Variants in SPRED1 observed in about 807,000 individuals in gnomAD.
The protein encoded by SPRED1 is sprouty-related, EVH1 domain-containing protein 1.
A neutral mutation model predicts 52.3 loss-of-function variants in SPRED1; 18 were observed. The ratio of observed to expected loss-of-function variants is 0.34; its 90% CI spans 0.24 to 0.51. The LOEUF is 0.51. Among genes scored for constraint, SPRED1 ranks in the 20% least tolerant of loss-of-function variants. The pLI is 0.97. For missense variants in SPRED1, 485 were observed against 551.0 expected (o/e 0.88, Z 1.20); for synonymous variants, 155 against 179.7 (o/e 0.86, Z 1.10).
chr15:38,347,453 G>A (rs973255310), intron 5 of SPRED1, among the ~76,000 whole-genome samples: 26 of 104,076 alleles, frequency 2.5e-4, no homozygotes, highest in South Asian at 1.1e-3. Flanking sequence ...TTGTTTTCCC[G>A]CTTGGATCTT....
intron 2 of SPRED1, among the ~76,000 whole-genome samples, chr15:38,314,911 T>G (rs1300199571): frequency 6.6e-6 from 1 of 151,902 alleles, no homozygotes; most frequent in Non-Finnish European, 1.5e-5. Context: ...ACTGCTATTG[T>G]GTGAGAATCA....
At chr15:38,278,211 G>C (rs1300294272) in intron 1 of SPRED1, among the ~76,000 whole-genome samples, 2 of 152,176 alleles carry the variant, frequency 1.3e-5, no homozygotes, top group African/African-American at 2.4e-5. Flanking sequence ...GCTGGGAGTG[G>C]TGGCCTATAC....
At chr15:38,256,189 T>C (rs1170445853) in intron 1 of SPRED1, among the ~76,000 whole-genome samples, 2 of 152,162 alleles carry the variant, frequency 1.3e-5, no homozygotes, top group East Asian at 3.8e-4. Context: ...TTTAAAAATC[T>C]TACTTTTCAA....
rs1473420312 is a variant in SPRED1 at position 38,357,141 on chromosome 15, A to G, written c.*5477A>G. ...AAGACATCGACATCAATGGTATGAAAGCTGTAGTCACTCTTTAAATTGAAC... is the reference window on the plus strand; with the variant it reads ...AAGACATCGACATCAATGGTATGAAGGCTGTAGTCACTCTTTAAATTGAAC... On this transcript the variant is annotated 3_prime_UTR_variant, in exon 7 of 7. Transcript: ENST00000299084. 1 of 152,198 alleles carries G rather than the reference A, an allele frequency of 6.6e-6. No homozygotes were observed. Among genetic ancestry groups the G allele is most frequent in the Non-Finnish European group, 1.5e-5 (1 of 68,016 alleles). The allele number at this position is 152,198 out of a possible 1,614,324, so 9.4% of individuals were successfully genotyped here.
rs1234926768 is a variant in SPRED1 at position 38,356,054 on chromosome 15, A to G, written c.*4390A>G. The stretch of plus-strand genomic sequence containing the variant: ...TCCTGAAAGCTTCTTAAATTGCATC[A>G]GTTGTTTTGAAATTTTTTCAAGAAT... On this transcript the variant is annotated 3_prime_UTR_variant, in exon 7 of 7. Transcript: ENST00000299084. The G allele has an allele frequency of 6.6e-6, 1 of 152,190 alleles. No individual in the cohort carries two copies. The highest frequency in any genetic ancestry group is 1.5e-5 in the Non-Finnish European group (1 of 68,016). 9.4% of individuals were successfully genotyped at this position (152,190 alleles called of 1,614,324 possible).
chr15:38,255,100 A>G (rs1356908318), intron 1 of SPRED1, among the ~76,000 whole-genome samples: 2 of 152,180 alleles, frequency 1.3e-5, no homozygotes, highest in Middle Eastern at 3.2e-3. Context: ...TTTTTTCTAA[A>G]TGGCCATTTT....
At chr15:38,321,655 G>A (rs552727042) in intron 2 of SPRED1, among the ~76,000 whole-genome samples, 2 of 152,208 alleles carry the variant, frequency 1.3e-5, no homozygotes, top group South Asian at 2.1e-4. Flanking sequence ...GTGCAGTGAC[G>A]TGATCTCAAC....
intron 1 of SPRED1, among the ~76,000 whole-genome samples, chr15:38,253,514 T>G (rs985581427): frequency 6.6e-6 from 1 of 152,112 alleles, no homozygotes; most frequent in Non-Finnish European, 1.5e-5. Flanking sequence ...ACTACCCCTT[T>G]GCCTGTGAGA....
chr15:38,323,577 CT>C (rs1895647382), intron 3 of SPRED1, among the ~76,000 whole-genome samples: 1 of 151,098 alleles, frequency 6.6e-6, no homozygotes, highest in African/African-American at 2.4e-5. Flanking sequence ...AAGAATTGTT[CT>C]CTAGTCAAGG....
At chr15:38,274,542 C>T (rs12912044) in intron 1 of SPRED1, among the ~76,000 whole-genome samples, 3,265 of 152,242 alleles carry the variant, frequency 0.021, 52 homozygotes, top group Non-Finnish European at 0.033. Context: ...TGCACATATC[C>T]TTCAGGCAGC....
intron 2 of SPRED1, among the ~76,000 whole-genome samples, chr15:38,303,254 C>T (rs4584775): frequency 0.96 from 145,971 of 152,264 alleles, 70,243 homozygotes; most frequent in East Asian, 1. Context: ...TCTAAATCTT[C>T]ATAGCCTTGA....
intron 4 of SPRED1, among the ~76,000 whole-genome samples, chr15:38,325,717 T>C (rs996813646): frequency 6.6e-6 from 1 of 150,616 alleles, no homozygotes; most frequent in Non-Finnish European, 1.5e-5. Context: ...AACTGAAGCG[T>C]TCAGACAATA....
intron 4 of SPRED1, among the ~76,000 whole-genome samples, chr15:38,328,755 T>C (rs540806939): frequency 6.6e-6 from 1 of 152,330 alleles, no homozygotes; most frequent in African/African-American, 2.4e-5. Flanking sequence ...GGTCTTACTC[T>C]GTTGCCCAGG....
At chr15:38,329,511 AAGC>A (rs1895769992) in intron 4 of SPRED1, among the ~76,000 whole-genome samples, 1 of 152,164 alleles carries the variant, frequency 6.6e-6, no homozygotes, top group Non-Finnish European at 1.5e-5. Flanking sequence ...ATGATACTGC[AAGC>A]TATCACAATC....
chr15:38,349,331 A>C (rs993615089), intron 5 of SPRED1, 91 bp from the exon 6 acceptor site: 1 of 970,008 alleles, frequency 1.0e-6, no homozygotes, highest in Non-Finnish European at 1.6e-6. Context: ...CTTTACTGCT[A>C]ATAAATTATG....
intron 2 of SPRED1, among the ~76,000 whole-genome samples, chr15:38,314,538 G>A (rs764106657): frequency 1.2e-4 from 18 of 151,578 alleles, no homozygotes; most frequent in South Asian, 2.1e-4. Context: ...TCCTCTATTG[G>A]TTGTTTGTTC....
intron 4 of SPRED1, among the ~76,000 whole-genome samples, chr15:38,338,330 G>C (rs576559989): frequency 8.1e-6 from 1 of 124,162 alleles, no homozygotes; most frequent in African/African-American, 2.9e-5. Flanking sequence ...ATTCTATTCA[G>C]TTTGCTTATG....
At chr15:38,289,482 G>T (rs1894877721) in intron 1 of SPRED1, among the ~76,000 whole-genome samples, 1 of 151,252 alleles carries the variant, frequency 6.6e-6, no homozygotes, top group South Asian at 2.1e-4. Context: ...AGATGGCCTT[G>T]CCCTAATCTC....
rs998106268 is a variant in SPRED1, at chr15:38,355,696, T to C, written c.*4032T>C. On this transcript the variant is annotated 3_prime_UTR_variant, in exon 7 of 7. Coordinates refer to ENST00000299084, the MANE Select transcript of SPRED1 (RefSeq NM_152594.3). ...TTTCCACATAAAACTTAGAAAACTT[T>C]AGTTACCTGAAAAGCAAGGATTCTT... 1 of 152,224 alleles carries C rather than the reference T, an allele frequency of 6.6e-6. No individual in the cohort carries two copies. The highest frequency in any genetic ancestry group is 1.5e-5 in the Non-Finnish European group (1 of 68,028). 9.4% of individuals were successfully genotyped at this position (152,224 alleles called of 1,614,324 possible). A position where few individuals can be genotyped will look rare whatever the true frequency, so the allele number is the denominator to read the frequency against.
Sources: allele counts gnomAD v4.1 joint callset (sites outside exome capture counted in the v4.1 genomes callset), GRCh38; gene constraint gnomAD v4.1.1; transcripts MANE v1.5; gene names NCBI Gene and HGNC (gene_info 2026-07-23, HGNC 2026-07-21).